LGSN: variants seen among roughly 807,000 people sequenced by gnomAD.
LGSN encodes lengsin.
In LGSN, 21 loss-of-function variants were observed where a neutral mutation model predicts 19.5. That is an observed-to-expected ratio of 1.07 (90% CI 0.76 to 1.55). The LOEUF (loss-of-function observed/expected upper bound fraction) is 1.55, where lower values mean the gene tolerates loss of function less well. Among genes scored for constraint, LGSN ranks in the 40% most tolerant of loss-of-function variants. The probability of loss-of-function intolerance (pLI) is 0.00; values close to 1 mark genes in which losing one functional copy is unlikely to be tolerated. For missense variants in LGSN, 673 were observed against 608.5 expected (o/e 1.11, Z -1.12); for synonymous variants, 257 against 215.6 (o/e 1.19, Z -1.68).
chr6:63,571,664 C>T, the LGSN span: 3,594 of 152,286 alleles, frequency 0.024, 79 homozygotes, highest in Non-Finnish European at 0.038. Context: ...GACAACATAT[C>T]AAGTGAGCAG....
At chr6:63,284,207 G>A (rs1006062328) in intron 3 of LGSN, among the ~76,000 whole-genome samples, 3 of 152,030 alleles carry the variant, frequency 2.0e-5, no homozygotes, top group African/African-American at 7.2e-5. Context: ...AATGAAATAG[G>A]GAAGTTAGTT....
the LGSN span, among the ~76,000 whole-genome samples, chr6:63,460,562 A>C: frequency 6.6e-6 from 1 of 152,150 alleles, no homozygotes; most frequent in African/African-American, 2.4e-5. Flanking sequence ...TGACCACTGC[A>C]TTTGCCCATG....
At chr6:63,323,379 C>T (rs938921802), upstream of LGSN, among the ~76,000 whole-genome samples, 6 of 152,108 alleles carry the variant, frequency 3.9e-5, no homozygotes, top group Non-Finnish European at 7.4e-5. Flanking sequence ...AGTAATTTCT[C>T]ATCACTCATC....
At chr6:63,490,915 A>T in the LGSN span, among the ~76,000 whole-genome samples, 2 of 152,208 alleles carry the variant, frequency 1.3e-5, no homozygotes, top group Non-Finnish European at 2.9e-5. Flanking sequence ...CAAGGGCAGG[A>T]AAAGACAGAC....
At chr6:63,506,469 TGG>T in the LGSN span, among the ~76,000 whole-genome samples, 2 of 152,148 alleles carry the variant, frequency 1.3e-5, no homozygotes, top group African/African-American at 4.8e-5. Flanking sequence ...TTCACTGTGT[TGG>T]CCAGGCTGGT....
At chr6:63,539,150 TC>T in the LGSN span, among the ~76,000 whole-genome samples, 1 of 152,184 alleles carries the variant, frequency 6.6e-6, no homozygotes, top group Non-Finnish European at 1.5e-5. Flanking sequence ...CACCTTGGCT[TC>T]CCAAAGTACT....
the LGSN span, among the ~76,000 whole-genome samples, chr6:63,366,530 T>A: frequency 0.99 from 151,197 of 152,326 alleles, 75,041 homozygotes; most frequent in East Asian, 1. Flanking sequence ...TAATTTATAG[T>A]TTCAATGCCA....
At chr6:63,379,997 C>T in the LGSN span, among the ~76,000 whole-genome samples, 1 of 152,026 alleles carries the variant, frequency 6.6e-6, no homozygotes, top group Non-Finnish European at 1.5e-5. Flanking sequence ...GCCACTACAC[C>T]CAGCTAATTT....
At chr6:63,296,618 CA>C (rs1767986555) in intron 1 of LGSN, among the ~76,000 whole-genome samples, 1 of 151,964 alleles carries the variant, frequency 6.6e-6, no homozygotes, top group Non-Finnish European at 1.5e-5. Flanking sequence ...ACCCTTTGCT[CA>C]TATATAATAT....
At chr6:63,293,954 C>T (rs752614635) in intron 2 of LGSN, 1 of 354,090 alleles carries the variant, frequency 2.8e-6, no homozygotes, top group Non-Finnish European at 5.6e-6. Flanking sequence ...TAGTATATTT[C>T]TAGCAGTGAC....
At chr6:63,300,145 TC>T (rs1768126971) in intron 1 of LGSN, among the ~76,000 whole-genome samples, 1 of 152,134 alleles carries the variant, frequency 6.6e-6, no homozygotes, top group Non-Finnish European at 1.5e-5. Context: ...CTGCCCTTCC[TC>T]CTCCAGCTTT....
the LGSN span, among the ~76,000 whole-genome samples, chr6:63,336,786 G>T: frequency 6.6e-6 from 1 of 151,034 alleles, no homozygotes; most frequent in South Asian, 2.1e-4. Context: ...GCATTACCAC[G>T]CCCTGCTAAT....
At chr6:63,331,643 C>G in the LGSN span, among the ~76,000 whole-genome samples, 1 of 151,948 alleles carries the variant, frequency 6.6e-6, no homozygotes, top group East Asian at 1.9e-4. Flanking sequence ...CAGAAACAAC[C>G]CCTGCCCAAG....
chr6:63,491,750 G>T, the LGSN span, among the ~76,000 whole-genome samples: 6 of 152,188 alleles, frequency 3.9e-5, no homozygotes, highest in Non-Finnish European at 7.3e-5. Context: ...CACATATGTG[G>T]CCGGGCGCGG....
chr6:63,386,383 C>A, the LGSN span, among the ~76,000 whole-genome samples: 1 of 152,078 alleles, frequency 6.6e-6, no homozygotes, highest in African/African-American at 2.4e-5. Flanking sequence ...AGTTTTGGGG[C>A]TTTTTAATTT....
At chr6:63,431,841 C>T in the LGSN span, among the ~76,000 whole-genome samples, 5 of 149,704 alleles carry the variant, frequency 3.3e-5, no homozygotes, top group African/African-American at 7.4e-5. Flanking sequence ...CTGAGGCAGG[C>T]GAATCACTTG....
chr6:63,366,887 A>T, the LGSN span, among the ~76,000 whole-genome samples: 1 of 150,742 alleles, frequency 6.6e-6, no homozygotes, highest in East Asian at 1.9e-4. Context: ...GGCTAGCCAT[A>T]TGTAGAAAGC....
chr6:63,564,653 T>G, the LGSN span, among the ~76,000 whole-genome samples: 1 of 152,188 alleles, frequency 6.6e-6, no homozygotes, highest in Admixed American at 6.6e-5. Context: ...TTATTTATAC[T>G]CCATTCCCTT....
At chr6:63,475,802 T>C in the LGSN span, among the ~76,000 whole-genome samples, 4 of 152,232 alleles carry the variant, frequency 2.6e-5, no homozygotes, top group African/African-American at 9.6e-5. Flanking sequence ...GATCAGAATT[T>C]AGTCACACAC....
Sources: gnomAD v4.1 joint callset for allele counts (sites outside exome capture counted in the v4.1 genomes callset) on GRCh38, gnomAD v4.1.1 for gene constraint, MANE v1.5 for transcripts, NCBI Gene and HGNC (gene_info 2026-07-23, HGNC 2026-07-21) for gene names.